Variants in LIG3 observed in about 807,000 individuals in gnomAD.
The protein encoded by LIG3 is ligase II, DNA, ATP-dependent.
Under a neutral mutation model 110.9 loss-of-function variants are expected in LIG3, and 58 were observed. The observed-to-expected ratio is 0.52, with a 90% CI of 0.42 to 0.65. The LOEUF is 0.65. Among genes scored for constraint, LIG3 ranks in the 30% least tolerant of loss-of-function variants. The pLI is 0.00. For missense variants in LIG3, 1,094 were observed against 1,273.8 expected (o/e 0.86, Z 2.15); for synonymous variants, 422 against 472.8 (o/e 0.89, Z 1.39).
chr17:35,000,064 G>C (rs2090823551), intron 16 of LIG3, among the ~76,000 whole-genome samples: 1 of 152,170 alleles, frequency 6.6e-6, no homozygotes, highest in African/African-American at 2.4e-5. Context: ...TTTAAAAAAA[G>C]AGAGAGAAGA....
intron 6 of LIG3, 57 bp downstream of exon 6, chr17:34,991,894 G>A: frequency 6.2e-7 from 1 of 1,613,448 alleles, no homozygotes; most frequent in Non-Finnish European, 8.5e-7. Flanking sequence ...CTCTTGGGAA[G>A]GGAAGGTTCC....
chr17:34,987,061 G>A (rs2090663835), intron 3 of LIG3, among the ~76,000 whole-genome samples: 1 of 152,162 alleles, frequency 6.6e-6, no homozygotes, highest in Admixed American at 6.5e-5. Flanking sequence ...TAGGACAGAT[G>A]AACAATAAAG....
At chr17:34,991,161 TG>T in intron 5 of LIG3, 47 bp downstream of exon 5, 2 of 1,582,152 alleles carry the variant, frequency 1.3e-6, no homozygotes, top group Non-Finnish European at 1.7e-6. Context: ...GGTGGGGTTT[TG>T]CCAAGCCAGG....
chr17:34,986,323 G>C (rs562536290), intron 3 of LIG3, among the ~76,000 whole-genome samples, 192 bp downstream of exon 3: 2 of 152,056 alleles, frequency 1.3e-5, no homozygotes, highest in African/African-American at 4.8e-5. Context: ...TTGTTTTTTG[G>C]TTTTGGGGGT....
chr17:34,991,844 G>A lies in LIG3; in HGVS notation c.1208+7G>A, dbSNP rs1484981407. ...TACAGGACATTGCCTCCAGGTGGGG[G>A]AGCTGCCTCCGTCAAACCATGCCCA... is the stretch of plus-strand genomic sequence containing the variant. On this transcript the variant is annotated splice_region_variant and intron_variant, in intron 6 of 19. Transcript: ENST00000378526. 1.2e-6 allele frequency: 2 copies of A among 1,613,914 alleles called. No individual in the cohort carries two copies. Among genetic ancestry groups the A allele is most frequent in the African/African-American group, 2.7e-5 (2 of 74,916 alleles).
At position 35,006,462 on chromosome 17, in the gene LIG3, CA is replaced by C. The variant is rs2142299544; in HGVS notation, c.*1957del. 1 of 152,392 alleles carries C rather than the reference CA, an allele frequency of 6.6e-6. No individual in the cohort carries two copies. Among genetic ancestry groups the C allele is most frequent in the African/African-American group, 2.4e-5 (1 of 41,568 alleles). The allele number at this position is 152,392 out of a possible 1,614,324, so 9.4% of individuals were successfully genotyped here. ...TCAATCCCTCCAAGTAGAATGGGTG[CA>C]CCTAAATCATAGGGTTGTCCTGTTG... On this transcript the variant is annotated 3_prime_UTR_variant, in exon 20 of 20. Transcript: ENST00000378526.
At position 34,999,875 on chromosome 17, in the gene LIG3, G is replaced by A. The variant is rs3136015; in HGVS notation, c.2331+19G>A. On this transcript the variant is annotated intron_variant, in intron 16 of 19. Coordinates refer to ENST00000378526, the MANE Select transcript of LIG3 (RefSeq NM_013975.4). ...CCCAAAGGTATCAACCCAGTGGCTT[G>A]GGGGCCTCCAGCTCATAGAATTAGC... 2.3e-3 allele frequency: 3,619 copies of A among 1,598,184 alleles called. 3 individuals carry two copies. The highest frequency in any genetic ancestry group is 2.8e-3 in the Non-Finnish European group (3,243 of 1,165,592).
intron 9 of LIG3, among the ~76,000 whole-genome samples, chr17:34,995,223 C>T (rs1267415608): frequency 2.0e-5 from 3 of 152,162 alleles, no homozygotes; most frequent in African/African-American, 7.2e-5. Flanking sequence ...CCTGCTGGAG[C>T]ATTGGGAACA....
Position 34,983,334 on chromosome 17 carries a change from A to AAAAG in LIG3, c.331_334dup (p.Ile112LysfsTer23). ...ACAGCTGGCTGCAAAAAATGCAAGG[A>AAAAG]AAAGATTGTGAAGGGCGTATGCCGA... On this transcript the variant is annotated frameshift_variant, in exon 2 of 20. Coordinates refer to ENST00000378526, the MANE Select transcript of LIG3 (RefSeq NM_013975.4). LOFTEE classifies it high-confidence loss of function. 6.2e-7 allele frequency: 1 copy of AAAAG among 1,614,222 alleles called. No homozygotes were observed. Among genetic ancestry groups the AAAAG allele is most frequent in the East Asian group, 2.2e-5 (1 of 44,884 alleles).
Position 34,986,096 on chromosome 17 carries a change from C to G in LIG3, c.656C>G (p.Thr219Ser). Residue 219 changes from threonine (T) to serine (S), a missense_variant, in exon 3 of 20, where the codon ACC (threonine) becomes AGC (serine). Thr to Ser is a moderately conservative substitution (Grantham distance 58, BLOSUM62 1). Coordinates refer to ENST00000378526, the MANE Select transcript of LIG3 (RefSeq NM_013975.4). ...CCAGTGAAAGGCGCCTCATTTGTCA[C>G]CAGTACCAATCCCCGGAAATTTTCT... ...TSPVKGASFV[T>S]STNPRKFSGF... 6.2e-7 allele frequency: 1 copy of G among 1,614,158 alleles called. No homozygotes were observed. Among genetic ancestry groups the G allele is most frequent in the Non-Finnish European group, 8.5e-7 (1 of 1,180,024 alleles).
chr17:34,995,081 C>T (rs761015248), intron 9 of LIG3, among the ~76,000 whole-genome samples: 11 of 152,152 alleles, frequency 7.2e-5, no homozygotes, highest in South Asian at 2.1e-4. Flanking sequence ...CATCTGGCTC[C>T]GGTAGCTTGT....
Position 35,005,868 on chromosome 17 carries a change from C to A in LIG3, c.*1362C>A. ...GAGCAGCAGTAAAAGAAATACCTAG[C>A]GAAAAAAACAGGAAGCATATTGAAG... On this transcript the variant is annotated 3_prime_UTR_variant, in exon 20 of 20. Coordinates refer to ENST00000378526, the MANE Select transcript of LIG3 (RefSeq NM_013975.4). The A allele has an allele frequency of 1.2e-5, 4 of 346,974 alleles. No individual in the cohort carries two copies. Among genetic ancestry groups the A allele is most frequent in the African/African-American group, 2.1e-5 (1 of 46,514 alleles). The allele number at this position is 346,974 out of a possible 1,614,324, so 21.5% of individuals were successfully genotyped here.
In LIG3 at chr17:34,991,960, G is replaced by A. The variant is rs2090726218; in HGVS notation, c.1211G>A (p.Cys404Tyr). ...TTAAATGTGCTTCATCCCCCTAGGTGTACAGCCAATGACCTTAAATGCATC... is the reference window on the plus strand; with the variant it reads ...TTAAATGTGCTTCATCCCCCTAGGTATACAGCCAATGACCTTAAATGCATC... ...QQALQDIASR[C>Y]TANDLKCIIR... is the part of the protein sequence containing the mutation. Residue 404 changes from cysteine to tyrosine, a missense_variant and splice_region_variant, in exon 7 of 20, where the codon TGT becomes TAT. Physicochemically the swap from Cys to Tyr is radical, Grantham distance 194. Coordinates refer to ENST00000378526, the MANE Select transcript of LIG3 (RefSeq NM_013975.4). 1.2e-6 allele frequency: 2 copies of A among 1,614,002 alleles called. No individual in the cohort carries two copies. Among genetic ancestry groups the A allele is most frequent in the Non-Finnish European group, 8.5e-7 (1 of 1,179,928 alleles).
rs115686959 is a variant in LIG3, at chr17:34,982,683, T to G, written c.-4-319T>G. On this transcript the variant is annotated intron_variant, in intron 1 of 19. Coordinates refer to ENST00000378526, the MANE Select transcript of LIG3 (RefSeq NM_013975.4). ...AAAAAGAAAGTTCAGGATCTTGTAA[T>G]ACTTAAAGGTCATCATCCATTATGA... is the stretch of plus-strand genomic sequence containing the variant. Among the ~76,000 whole-genome samples, 766 of 151,786 alleles carry G rather than the reference T, an allele frequency of 5.0e-3. 10 individuals are homozygous for G. Among genetic ancestry groups the G allele is most frequent in the African/African-American group, 0.017 (720 of 41,400 alleles).
intron 18 of LIG3, 83 bp downstream of exon 18, chr17:35,002,187 C>A: frequency 8.4e-7 from 1 of 1,194,982 alleles, no homozygotes; most frequent in Non-Finnish European, 1.2e-6. Flanking sequence ...GTCTCACATT[C>A]CAGCCCTGAG....
intron 14 of LIG3, chr17:34,999,050 T>G (rs1200584473): frequency 1.5e-5 from 8 of 518,438 alleles, no homozygotes; most frequent in African/African-American, 1.3e-4. Flanking sequence ...AACTAATACT[T>G]TTAAGCAATC....
chr17:34,994,944 G>A (rs549432469), intron 9 of LIG3, among the ~76,000 whole-genome samples: 30 of 152,266 alleles, frequency 2.0e-4, no homozygotes, highest in African/African-American at 6.7e-4. Flanking sequence ...AGTCTTATGG[G>A]GACATCTAGG....
chr17:35,005,180 C>G lies in LIG3; in HGVS notation c.*674C>G, dbSNP rs1156822955. ...AGGGGAGGTTATTTGGGCCACTCCT[C>G]TGGAGGGATAGAGGGCTCCAGGAAG... On this transcript the variant is annotated 3_prime_UTR_variant, in exon 20 of 20. Coordinates refer to ENST00000378526, the MANE Select transcript of LIG3 (RefSeq NM_013975.4). 1 of 403,122 alleles carries G rather than the reference C, an allele frequency of 2.5e-6. No homozygotes were observed. Among genetic ancestry groups the G allele is most frequent in the Non-Finnish European group, 4.9e-6 (1 of 202,550 alleles). 25.0% of individuals were successfully genotyped at this position (403,122 alleles called of 1,614,324 possible). A position where few individuals can be genotyped will look rare whatever the true frequency, so the allele number is the denominator to read the frequency against.
intron 4 of LIG3, 153 bp downstream of exon 4, chr17:34,989,816 ACAAGGGGCC>A: frequency 1.4e-6 from 1 of 699,358 alleles, no homozygotes; most frequent in East Asian, 2.7e-5. Flanking sequence ...ATAATTTTGA[ACAAGGGGCC>A]TCGCATTTGC....
Sources: allele counts gnomAD v4.1 joint callset (sites outside exome capture counted in the v4.1 genomes callset), GRCh38; gene constraint gnomAD v4.1.1; transcripts MANE v1.5; gene names NCBI Gene and HGNC (gene_info 2026-07-23, HGNC 2026-07-21).